CDH1: variants seen among roughly 807,000 people sequenced by gnomAD.
CDH1 encodes the protein cadherin 1.
Under a neutral mutation model 84.5 loss-of-function variants are expected in CDH1, and 35 were observed. That is an observed-to-expected ratio of 0.41 (90% CI 0.32 to 0.55). The LOEUF (loss-of-function observed/expected upper bound fraction) is 0.55. CDH1 is among the 20% of genes least tolerant of loss of function. The pLI, the probability that CDH1 is intolerant of heterozygous loss-of-function variation, is 0.19. For missense variants in CDH1, 994 were observed against 1,126.6 expected (o/e 0.88, Z 1.68); for synonymous variants, 417 against 439.0 (o/e 0.95, Z 0.63).
intron 5 of CDH1, 66 bp downstream of exon 5, chr16:68,808,914 A>T: frequency 6.7e-6 from 10 of 1,501,004 alleles, no homozygotes; most frequent in Non-Finnish European, 8.3e-6. Flanking sequence ...TGGTCAACCC[A>T]TGCTGGATCC....
At chr16:68,749,739 T>C (rs1240519758) in intron 2 of CDH1, among the ~76,000 whole-genome samples, 1 of 152,206 alleles carries the variant, frequency 6.6e-6, no homozygotes, top group Non-Finnish European at 1.5e-5. Flanking sequence ...GTGCTGGGGC[T>C]GCAGGCCAGG....
chr16:68,783,625 A>G (rs1361643657), intron 2 of CDH1, among the ~76,000 whole-genome samples: 1 of 152,006 alleles, frequency 6.6e-6, no homozygotes, highest in Non-Finnish European at 1.5e-5. Context: ...TTCCCATATT[A>G]TTACATATAC....
At chr16:68,832,907 A>G (rs938647752) in intron 15 of CDH1, among the ~76,000 whole-genome samples, 1 of 152,044 alleles carries the variant, frequency 6.6e-6, no homozygotes, top group Non-Finnish European at 1.5e-5. Flanking sequence ...AGCATTTGGC[A>G]TTTATCCTTC....
At position 68,801,758 on chromosome 16, in the gene CDH1, A is replaced by C; in HGVS notation, c.252A>C (p.Thr84=). 6.2e-7 allele frequency: 1 copy of C among 1,614,164 alleles called. No individual in the cohort carries two copies. The highest frequency in any genetic ancestry group is 8.5e-7 in the Non-Finnish European group (1 of 1,179,994). The change falls in exon 3 of 16, where the codon ACA becomes ACC. Residue 84 remains threonine, a synonymous_variant. Coordinates refer to ENST00000261769, the MANE Select transcript of CDH1 (RefSeq NM_004360.5). The part of the protein sequence containing the change: ...RFKVGTDGVI[T]VKRPLRFHNP... ...AAGTGGGCACAGATGGTGTGATTAC[A>C]GTCAAAAGGCCTCTACGGTTTCATA...
chr16:68,777,397 A>G (rs1959760560), intron 2 of CDH1, among the ~76,000 whole-genome samples: 1 of 152,196 alleles, frequency 6.6e-6, no homozygotes, highest in Non-Finnish European at 1.5e-5. Flanking sequence ...AAAATAAATG[A>G]CTAATATAAG....
chr16:68,741,964 C>A (rs1004970814), intron 2 of CDH1, among the ~76,000 whole-genome samples: 1 of 152,186 alleles, frequency 6.6e-6, no homozygotes, highest in Non-Finnish European at 1.5e-5. Flanking sequence ...AGTCACCATG[C>A]CTGGCTAATA....
intron 2 of CDH1, among the ~76,000 whole-genome samples, chr16:68,773,174 G>A (rs1959629626): frequency 1.3e-5 from 2 of 152,106 alleles, no homozygotes; most frequent in South Asian, 2.1e-4. Flanking sequence ...GAGAAGGTGG[G>A]TGTTTTGTGT....
intron 5 of CDH1, chr16:68,809,073 C>G (rs1452681220): frequency 5.3e-6 from 3 of 566,996 alleles, no homozygotes; most frequent in African/African-American, 3.8e-5. Context: ...CGCATGCATC[C>G]TCATACAACC....
rs1032187948 is a variant in CDH1, at chr16:68,755,475, A to G, written c.163+17064A>G. Among the ~76,000 whole-genome samples the G allele has an allele frequency of 3.3e-5, 5 of 151,682 alleles. No individual in the cohort carries two copies. In the East Asian group the frequency reaches 9.8e-4, roughly 30 times the overall value. On this transcript the variant is annotated intron_variant, in intron 2 of 15. Transcript: ENST00000261769. ...TGCCCAGGCTAGTCTCGAACTCCTG[A>G]GCTTAAGCAATACCCCCGCCTTGGC...
chr16:68,795,744 G>C (rs1960341294), intron 2 of CDH1, among the ~76,000 whole-genome samples: 2 of 150,466 alleles, frequency 1.3e-5, no homozygotes, highest in Admixed American at 1.3e-4. Context: ...GATCCACCTG[G>C]CTCGGCCTCC....
At chr16:68,759,222 G>A (rs1218300599) in intron 2 of CDH1, among the ~76,000 whole-genome samples, 1 of 152,144 alleles carries the variant, frequency 6.6e-6, no homozygotes, top group East Asian at 1.9e-4. Context: ...ATTACAGGGG[G>A]CACAGTGGCT....
At chr16:68,747,846 C>T (rs1962783473) in intron 2 of CDH1, among the ~76,000 whole-genome samples, 1 of 152,112 alleles carries the variant, frequency 6.6e-6, no homozygotes, top group Non-Finnish European at 1.5e-5. Flanking sequence ...TTGCTGCAGT[C>T]TCCGCCTCCC....
At chr16:68,789,334 G>A (rs1960150274) in intron 2 of CDH1, among the ~76,000 whole-genome samples, 1 of 151,950 alleles carries the variant, frequency 6.6e-6, no homozygotes, top group African/African-American at 2.4e-5. Flanking sequence ...ACCTGGCCAG[G>A]TGTTTAAAAA....
In CDH1 at chr16:68,819,926, C is replaced by T. The variant is rs975480247; in HGVS notation, c.1711+501C>T. 4.6e-5 allele frequency among the ~76,000 whole-genome samples: 7 copies of T among 152,116 alleles called. 1 individual carries two copies. ...ATCAAAAATTCAAGTGGGCTGGGCA[C>T]GGTGACTCACACCTGTAATCCCAGC... On this transcript the variant is annotated intron_variant, in intron 11 of 15. Transcript: ENST00000261769.
intron 2 of CDH1, among the ~76,000 whole-genome samples, chr16:68,781,611 T>A (rs925976425): frequency 6.6e-6 from 1 of 152,132 alleles, no homozygotes; most frequent in Admixed American, 6.6e-5. Flanking sequence ...AGTGCGGGGA[T>A]AACAGGCATG....
rs1426734014 is a variant in CDH1 at position 68,823,563 on chromosome 16, G to C, written c.2101G>C (p.Val701Leu). 6.2e-7 allele frequency: 1 copy of C among 1,613,990 alleles called. No individual in the cohort carries two copies. Among genetic ancestry groups the C allele is most frequent in the South Asian group, 1.1e-5 (1 of 91,078 alleles). ...AAGVCRKAQPVEAGLQIPAIL... is the reference protein window; with the variant it reads ...AAGVCRKAQPLEAGLQIPAIL... ...TGGCGTCTGTAGGAAGGCACAGCCT[G>C]TCGAAGCAGGATTGCAAATTCCTGC... Residue 701 changes from valine (V) to leucine (L), a missense_variant, in exon 13 of 16, where the codon GTC becomes CTC. Physicochemically the swap from Val to Leu is conservative, Grantham distance 32 (BLOSUM62 1). This residue lies in a region of CDH1 where 769 missense variants were observed against 881.8 expected (regional missense o/e 0.87). Transcript: ENST00000261769.
At position 68,793,030 on chromosome 16, in the gene CDH1, T is replaced by C. The variant is rs900122061; in HGVS notation, c.164-8640T>C. Among the ~76,000 whole-genome samples, 105 of 152,180 alleles carry C rather than the reference T, an allele frequency of 6.9e-4. 1 individual carries two copies. Among genetic ancestry groups the C allele is most frequent in the African/African-American group, 2.4e-3 (99 of 41,488 alleles). On this transcript the variant is annotated intron_variant, in intron 2 of 15. Coordinates refer to ENST00000261769, the MANE Select transcript of CDH1 (RefSeq NM_004360.5). ...AAGCTTCATGCAAATAAACTTCCAG[T>C]CCCTGGGAACCCATGGGGGTCGCCT...
rs1342749775 is a variant in CDH1, at chr16:68,834,732, C to T, written c.*1233C>T. 2 of 233,678 alleles carry T rather than the reference C, an allele frequency of 8.6e-6. No individual in the cohort carries two copies. The highest frequency in any genetic ancestry group is 1.7e-5 in the Non-Finnish European group (2 of 118,306). 14.5% of individuals were successfully genotyped at this position (233,678 alleles called of 1,614,324 possible). A position where few individuals can be genotyped will look rare whatever the true frequency, so the allele number is the denominator to read the frequency against. ...CTTGCAATGGGCAGCTATCCAGTGA[C>T]TTGTTCTGAGTAAGTGTGTTCATTA... is the stretch of plus-strand genomic sequence containing the variant. On this transcript the variant is annotated 3_prime_UTR_variant, in exon 16 of 16. Transcript: ENST00000261769.
At chr16:68,738,264 C>T (rs945366271) in intron 1 of CDH1, 33 bp from the exon 2 acceptor site, 1 of 1,385,276 alleles carries the variant, frequency 7.2e-7, no homozygotes, top group South Asian at 1.2e-5. Context: ...CCCTCCGAGT[C>T]ACCCGGTTCC....
Sources: allele counts gnomAD v4.1 joint callset (sites outside exome capture counted in the v4.1 genomes callset), GRCh38; gene constraint gnomAD v4.1.1; regional missense constraint gnomAD v4.1.1; transcripts MANE v1.5; gene names NCBI Gene and HGNC (gene_info 2026-07-23, HGNC 2026-07-21).